Variants in ANKRD11 observed in about 807,000 individuals in gnomAD.
The protein encoded by ANKRD11 is ankyrin repeat domain 11.
ANKRD11 carries 17 observed loss-of-function variants against 195.7 expected under a neutral mutation model. That is an observed-to-expected ratio of 0.09 (90% CI 0.06 to 0.13). The LOEUF is 0.13. ANKRD11 is among the 10% of genes least tolerant of loss of function. The probability of loss-of-function intolerance (pLI) is 1.00; values close to 1 mark genes in which losing one functional copy is unlikely to be tolerated. For missense variants in ANKRD11, 3,735 were observed against 3,566.1 expected (o/e 1.05, Z -1.21); for synonymous variants, 1,953 against 1,528.1 (o/e 1.28, Z -6.49).
At chr16:89,422,477 G>C (rs2042557289) in intron 1 of ANKRD11, among the ~76,000 whole-genome samples, 1 of 152,146 alleles carries the variant, frequency 6.6e-6, no homozygotes, top group Non-Finnish European at 1.5e-5. Flanking sequence ...ACGGACTGAG[G>C]CATCCTACCG....
Position 89,450,500 on chromosome 16 carries a change from A to G in ANKRD11, c.-144-32132T>C, listed in dbSNP as rs2044021205. Reference sequence around the variant, plus strand: ...CTGTGACCCTCAACAAATACTTGCAAGTATAAAGTTCGTTTTAACTTCTAG... The same window carrying G: ...CTGTGACCCTCAACAAATACTTGCAGGTATAAAGTTCGTTTTAACTTCTAG... On this transcript the variant is annotated intron_variant, in intron 1 of 12. Coordinates refer to ENST00000301030, the MANE Select transcript of ANKRD11 (RefSeq NM_013275.6). Among the ~76,000 whole-genome samples, 3 of 152,288 alleles carry G rather than the reference A, an allele frequency of 2.0e-5. No homozygotes were observed. The South Asian group carries it at 6.2e-4, about 32-fold the overall frequency.
chr16:89,426,464 C>T (rs1022018753), intron 1 of ANKRD11, among the ~76,000 whole-genome samples: 29 of 151,574 alleles, frequency 1.9e-4, no homozygotes, highest in African/African-American at 7.0e-4. Context: ...AACACCAACT[C>T]CCTGCGTGGC....
At chr16:89,415,071 C>G (rs1465036293) in intron 2 of ANKRD11, among the ~76,000 whole-genome samples, 3 of 151,696 alleles carry the variant, frequency 2.0e-5, no homozygotes, top group African/African-American at 7.3e-5. Context: ...CGCTCAGCCT[C>G]CCCAAGTAGC....
rs1020199055 is a variant in ANKRD11, at chr16:89,290,846, G to C, written c.398-18C>G. Reference sequence around the variant, plus strand: ...TGTGTCCACTGCAGGCCAAGGAGGGGACAGATGGGCATTACTGTGGGGTGG... The same window carrying C: ...TGTGTCCACTGCAGGCCAAGGAGGGCACAGATGGGCATTACTGTGGGGTGG... On this transcript the variant is annotated intron_variant, in intron 5 of 12. Coordinates refer to ENST00000301030, the MANE Select transcript of ANKRD11 (RefSeq NM_013275.6). 1.2e-6 allele frequency: 2 copies of C among 1,612,938 alleles called. No individual in the cohort carries two copies. Among genetic ancestry groups the C allele is most frequent in the South Asian group, 2.2e-5 (2 of 91,020 alleles).
intron 2 of ANKRD11, among the ~76,000 whole-genome samples, chr16:89,320,542 T>C (rs914762915): frequency 1.2e-4 from 18 of 152,028 alleles, no homozygotes; most frequent in Non-Finnish European, 1.6e-4. Flanking sequence ...AGGCCACGCA[T>C]TCCTTGTTAC....
At chr16:89,462,059 TC>T (rs1176881891) in intron 1 of ANKRD11, among the ~76,000 whole-genome samples, 3 of 34,310 alleles carry the variant, frequency 8.7e-5, no homozygotes, top group Non-Finnish European at 1.4e-4. Flanking sequence ...CCTCTCCCTC[TC>T]CCTCTCTCCC....
chr16:89,441,890 T>C (rs1380007058), intron 1 of ANKRD11, among the ~76,000 whole-genome samples: 5 of 150,930 alleles, frequency 3.3e-5, no homozygotes, highest in African/African-American at 9.8e-5. Flanking sequence ...CAGCCGACTA[T>C]GGCACTCACC....
In ANKRD11 at chr16:89,390,069, C is replaced by T. The variant is rs370667381; in HGVS notation, c.-60+28215G>A. Among the ~76,000 whole-genome samples the T allele has an allele frequency of 1.8e-4, 11 of 60,084 alleles. 2 individuals carry two copies. Among genetic ancestry groups the T allele is most frequent in the African/African-American group, 1.2e-3 (9 of 7,820 alleles). The allele number at this position is 60,084 out of a possible 152,430, so 39.4% of individuals were successfully genotyped here. A position where few individuals can be genotyped will look rare whatever the true frequency, so the allele number is the denominator to read the frequency against. ...AGAAAGAAGATCACTGGGGCGAACA[C>T]CGAGTGTGGCGGGGAGCACAGACAG... On this transcript the variant is annotated intron_variant, in intron 2 of 12. Coordinates refer to ENST00000301030, the MANE Select transcript of ANKRD11 (RefSeq NM_013275.6).
intron 1 of ANKRD11, chr16:89,443,397 G>A (rs930149919): frequency 2.0e-5 from 3 of 152,102 alleles, no homozygotes; most frequent in East Asian, 1.9e-4. Context: ...ATGATGACAT[G>A]CAAATTTGTG....
intron 3 of ANKRD11, among the ~76,000 whole-genome samples, chr16:89,312,320 G>C (rs1287174725): frequency 2.0e-5 from 3 of 152,220 alleles, no homozygotes; most frequent in African/African-American, 7.2e-5. Context: ...CAAATTCGCT[G>C]CTTCAGAGCT....
chr16:89,311,603 T>G (rs1379173921), intron 3 of ANKRD11, among the ~76,000 whole-genome samples: 1 of 152,184 alleles, frequency 6.6e-6, no homozygotes, highest in African/African-American at 2.4e-5. Flanking sequence ...TAGACCTACA[T>G]CTAAGAACTA....
chr16:89,448,875 G>A (rs2043928838), intron 1 of ANKRD11, among the ~76,000 whole-genome samples: 1 of 152,094 alleles, frequency 6.6e-6, no homozygotes, highest in African/African-American at 2.4e-5. Flanking sequence ...CCCACCTCTG[G>A]CTCACTCCAT....
intron 2 of ANKRD11, among the ~76,000 whole-genome samples, chr16:89,321,836 C>T (rs992886441): frequency 6.6e-6 from 1 of 152,190 alleles, no homozygotes; most frequent in Admixed American, 6.5e-5. Context: ...TTTCTTCCAC[C>T]TCTGCCTCTC....
chr16:89,441,765 T>TAAAAAAAA, intron 1 of ANKRD11, among the ~76,000 whole-genome samples: 1 of 7,184 alleles, frequency 1.4e-4, no homozygotes, highest in South Asian at 5.3e-3. Flanking sequence ...AGACTCCGCC[T>TAAAAAAAA]ACAAAAAAAA....
In ANKRD11 at chr16:89,283,033, T is replaced by G; in HGVS notation, c.3509A>C (p.Lys1170Thr). ...GTCCTTCTGCCTCTCAGGGTGCTGC[T>G]TGTCAGAAGACTTCCTGTGTCTGTC... ...ASDRHRKSSD[K>T]QHPERQKDKE... The change falls in exon 9 of 13, where the codon AAG becomes ACG. Residue 1170 changes from lysine (K) to threonine (T), a missense_variant. Physicochemically the swap from Lys to Thr is moderately conservative, Grantham distance 78 (BLOSUM62 -1). Transcript: ENST00000301030. The surrounding 1 kb of genome is among the most constrained non-coding windows in gnomAD (Gnocchi z 4.3). The G allele has an allele frequency of 6.2e-7, 1 of 1,613,884 alleles. No homozygotes were observed. Among genetic ancestry groups the G allele is most frequent in the Non-Finnish European group, 8.5e-7 (1 of 1,180,012 alleles).
At chr16:89,415,911 G>A (rs543085375) in intron 2 of ANKRD11, among the ~76,000 whole-genome samples, 4 of 148,464 alleles carry the variant, frequency 2.7e-5, no homozygotes, top group East Asian at 4.1e-4. Context: ...TGTGGGTCAC[G>A]GCGCCTCTGG....
intron 2 of ANKRD11, among the ~76,000 whole-genome samples, chr16:89,332,048 A>T (rs542586937): frequency 6.6e-6 from 1 of 152,246 alleles, no homozygotes; most frequent in East Asian, 1.9e-4. Context: ...GAACTTTGGG[A>T]GGCTGAGGTG....
At chr16:89,345,557 TTC>T (rs1440377619) in intron 2 of ANKRD11, among the ~76,000 whole-genome samples, 2 of 152,208 alleles carry the variant, frequency 1.3e-5, no homozygotes, top group African/African-American at 4.8e-5. Context: ...AGAAATAAAT[TTC>T]TGTTCTTTAT....
intron 2 of ANKRD11, among the ~76,000 whole-genome samples, chr16:89,415,047 T>C (rs899276098): frequency 9.9e-5 from 15 of 151,076 alleles, no homozygotes; most frequent in Admixed American, 2.6e-4. Context: ...TGGGCTCAAG[T>C]GATCCTTCCT....
Sources: gnomAD v4.1 joint callset for allele counts (sites outside exome capture counted in the v4.1 genomes callset) on GRCh38, gnomAD v4.1.1 for gene constraint, Gnocchi (gnomAD v3.1) non-coding constraint, MANE v1.5 for transcripts, NCBI Gene and HGNC (gene_info 2026-07-23, HGNC 2026-07-21) for gene names.